Variants in CSMD1 observed in about 807,000 individuals in gnomAD.
CSMD1 encodes CUB and Sushi multiple domains 1, also known as CUB and sushi domain-containing protein 1.
In CSMD1, 213 loss-of-function variants were observed where a neutral mutation model predicts 417.5. The ratio of observed to expected loss-of-function variants is 0.51; its 90% CI spans 0.46 to 0.57. The LOEUF (loss-of-function observed/expected upper bound fraction) is 0.57, where lower values mean the gene tolerates loss of function less well. CSMD1 is among the 20% of genes least tolerant of loss of function. CSMD1 has a pLI of 0.00. For synonymous variants in CSMD1, 2,862 were observed against 1,736.8 expected, an observed-to-expected ratio of 1.65 and a Z score of -16.11; for missense variants, 6,923 against 4,529.7, an observed-to-expected ratio of 1.53 and a Z score of -15.17.
In CSMD1 at chr8:3,205,283, A is replaced by G. The variant is rs562045354; in HGVS notation, c.4984+221T>C. Among the ~76,000 whole-genome samples the G allele has an allele frequency of 4.0e-4, 61 of 152,358 alleles. No individual in the cohort carries two copies. In the South Asian group the frequency reaches 0.012, roughly 29 times the overall value. ...TAATTCTCTCTGATTATTTCGGATC[A>G]TAACCCTAGAGGGGACTGTGAGCAT... On this transcript the variant is annotated intron_variant, in intron 31 of 69. Coordinates refer to ENST00000635120, the MANE Select transcript of CSMD1 (RefSeq NM_033225.6).
intron 56 of CSMD1, among the ~76,000 whole-genome samples, 197 bp from the exon 57 acceptor site, chr8:2,973,496 C>T (rs1371420268): frequency 1.3e-5 from 2 of 152,090 alleles, no homozygotes; most frequent in Non-Finnish European, 2.9e-5. Flanking sequence ...GATGTGGCTC[C>T]CATGTTACTA....
intron 68 of CSMD1, among the ~76,000 whole-genome samples, chr8:2,948,210 G>A (rs1187965756): frequency 6.6e-6 from 1 of 151,988 alleles, no homozygotes; most frequent in Non-Finnish European, 1.5e-5. Context: ...AACGACTTTT[G>A]TGCAAAAAGA....
At chr8:4,513,891 C>A (rs572842564) in intron 2 of CSMD1, among the ~76,000 whole-genome samples, 10 of 152,218 alleles carry the variant, frequency 6.6e-5, no homozygotes, top group Non-Finnish European at 1.3e-4. Flanking sequence ...ATCAGTGGTT[C>A]CTAGGTATTG....
At chr8:4,717,152 G>A (rs553543519) in intron 1 of CSMD1, among the ~76,000 whole-genome samples, 52 of 151,524 alleles carry the variant, frequency 3.4e-4, no homozygotes, top group African/African-American at 1.1e-3. Flanking sequence ...AAAAACTAGG[G>A]TATACAGTGA....
At position 4,199,781 on chromosome 8, in the gene CSMD1, G is replaced by A. The variant is rs147032832; in HGVS notation, c.416-167682C>T. Among the ~76,000 whole-genome samples the A allele has an allele frequency of 9.2e-4, 140 of 152,240 alleles. No individual in the cohort carries two copies. The Middle Eastern group carries it at 0.014, about 15-fold the overall frequency. ...AAAACTGAAGACTCAAGGATAACAT[G>A]CTGTTTAGATAGAAAATCGGATGAC... On this transcript the variant is annotated intron_variant, in intron 3 of 69. Transcript: ENST00000635120.
intron 3 of CSMD1, among the ~76,000 whole-genome samples, chr8:4,408,418 A>C (rs1796462154): frequency 6.6e-6 from 1 of 152,240 alleles, no homozygotes; most frequent in African/African-American, 2.4e-5. Context: ...TCCATTGATC[A>C]GGTTTTAAAG....
chr8:3,280,930 C>T (rs906135968), intron 26 of CSMD1, among the ~76,000 whole-genome samples: 2 of 152,026 alleles, frequency 1.3e-5, no homozygotes, highest in East Asian at 1.9e-4. Context: ...AAGTGATGGC[C>T]AGGTTTCAAC....
chr8:3,464,266 G>C (rs1816678497), intron 12 of CSMD1, among the ~76,000 whole-genome samples: 1 of 152,080 alleles, frequency 6.6e-6, no homozygotes, highest in South Asian at 2.1e-4. Context: ...AGACAGAGAA[G>C]CCATAAAAAC....
intron 1 of CSMD1, among the ~76,000 whole-genome samples, chr8:4,720,816 G>A (rs149840338): frequency 3.9e-5 from 6 of 151,948 alleles, no homozygotes; most frequent in Admixed American, 3.9e-4. Flanking sequence ...GATCAACAAC[G>A]GCCATAAGGA....
chr8:3,331,030 C>A (rs1307156819), intron 23 of CSMD1, among the ~76,000 whole-genome samples: 1 of 151,956 alleles, frequency 6.6e-6, no homozygotes, highest in South Asian at 2.1e-4. Flanking sequence ...GCGGGCGGAT[C>A]ACCAGGTCAG....
At chr8:2,957,889 C>A in intron 62 of CSMD1, 82 bp from the exon 63 acceptor site, 2 of 934,196 alleles carry the variant, frequency 2.1e-6, no homozygotes, top group South Asian at 2.9e-5. Flanking sequence ...AGTACACGCC[C>A]GAGTAAAAGT....
intron 2 of CSMD1, among the ~76,000 whole-genome samples, chr8:4,462,812 A>G (rs902615406): frequency 6.6e-6 from 1 of 152,212 alleles, no homozygotes; most frequent in African/African-American, 2.4e-5. Context: ...ACTATCCACA[A>G]AAAAATTGAT....
chr8:4,513,475 A>G (rs1343973180), intron 2 of CSMD1, among the ~76,000 whole-genome samples: 1 of 152,196 alleles, frequency 6.6e-6, no homozygotes, highest in Admixed American at 6.5e-5. Flanking sequence ...TCATACCCAC[A>G]ACAAAGATGA....
chr8:3,816,187 C>T (rs1353567535), intron 5 of CSMD1, among the ~76,000 whole-genome samples: 1 of 152,174 alleles, frequency 6.6e-6, no homozygotes, highest in Non-Finnish European at 1.5e-5. Flanking sequence ...GTGCTCTCTG[C>T]ATCTGGGAGA....
intron 3 of CSMD1, among the ~76,000 whole-genome samples, chr8:4,387,196 T>A (rs747226210): frequency 6.6e-6 from 1 of 152,214 alleles, no homozygotes; most frequent in South Asian, 2.1e-4. Flanking sequence ...AGGAGGTATC[T>A]GAGTGTCACT....
chr8:3,034,695 C>CT (rs1810558382), intron 50 of CSMD1, among the ~76,000 whole-genome samples: 1 of 152,098 alleles, frequency 6.6e-6, no homozygotes, highest in South Asian at 2.1e-4. Flanking sequence ...TATGTTCTTA[C>CT]TTTGTTATTT....
In CSMD1 at chr8:2,955,757, T is replaced by C. The variant is rs922083253; in HGVS notation, c.9826A>G (p.Arg3276Gly). 6.2e-7 allele frequency: 1 copy of C among 1,613,840 alleles called. No homozygotes were observed. Among genetic ancestry groups the C allele is most frequent in the African/African-American group, 1.3e-5 (1 of 75,040 alleles). The change falls in exon 64 of 70, where the codon AGA becomes GGA. Residue 3276 changes from arginine (R) to glycine (G), a missense_variant. Physicochemically the swap from Arg to Gly is moderately radical, Grantham distance 125 (BLOSUM62 -2). Coordinates refer to ENST00000635120, the MANE Select transcript of CSMD1 (RefSeq NM_033225.6). Reference protein sequence around the residue: ...IQTECIPHACRQPETPAHADV... With the variant: ...IQTECIPHACGQPETPAHADV... ...GCGTGTGCCGGGGTTTCTGGCTGTC[T>C]GCAGGCATGAGCTGAAACAACATTA...
At chr8:3,142,014 G>A (rs1295142874) in intron 41 of CSMD1, among the ~76,000 whole-genome samples, 1 of 152,006 alleles carries the variant, frequency 6.6e-6, no homozygotes, top group African/African-American at 2.4e-5. Flanking sequence ...AGCCAGGATG[G>A]TCTCGATCTC....
chr8:3,790,963 T>C (rs528839879), intron 5 of CSMD1, among the ~76,000 whole-genome samples: 4 of 152,264 alleles, frequency 2.6e-5, no homozygotes, highest in South Asian at 2.1e-4. Flanking sequence ...ACAGGAAAGA[T>C]GGTCAAAAAT....
Sources: allele counts gnomAD v4.1 joint callset (sites outside exome capture counted in the v4.1 genomes callset), GRCh38; gene constraint gnomAD v4.1.1; transcripts MANE v1.5; gene names NCBI Gene and HGNC (gene_info 2026-07-23, HGNC 2026-07-21).